Variants in GANC observed in about 807,000 individuals in gnomAD.
GANC encodes glucosidase alpha, neutral C.
In GANC, 117 loss-of-function variants were observed where a neutral mutation model predicts 124.2. The observed-to-expected ratio is 0.94, with a 90% CI of 0.81 to 1.10. GANC has a LOEUF of 1.10. Among genes scored for constraint, GANC ranks in the 50% least tolerant of loss-of-function variants. The probability of loss-of-function intolerance (pLI) is 0.00; values close to 1 mark genes in which losing one functional copy is unlikely to be tolerated. For missense variants in GANC, 1,140 were observed against 1,095.0 expected (o/e 1.04, Z -0.58); for synonymous variants, 377 against 376.8 (o/e 1.00, Z -0.01).
At chr15:42,288,348 A>G (rs931523752) in intron 4 of GANC, among the ~76,000 whole-genome samples, 2 of 152,214 alleles carry the variant, frequency 1.3e-5, no homozygotes, top group Admixed American at 6.5e-5. Flanking sequence ...GGTGAAAAAC[A>G]ATCTTTGGGG....
At chr15:42,316,608 GAA>G (rs2052105868) in intron 10 of GANC, among the ~76,000 whole-genome samples, 1 of 152,212 alleles carries the variant, frequency 6.6e-6, no homozygotes, top group Admixed American at 6.5e-5. Context: ...AGAGAAACAT[GAA>G]AGTGGACAAG....
intron 15 of GANC, among the ~76,000 whole-genome samples, chr15:42,335,038 A>G (rs1008888024): frequency 1.3e-5 from 2 of 152,200 alleles, no homozygotes; most frequent in Middle Eastern, 3.2e-3. Flanking sequence ...TACCAGATGT[A>G]CAAAGGAGAG....
chr15:42,314,990 G>A (rs758497945), intron 10 of GANC, among the ~76,000 whole-genome samples: 77 of 152,164 alleles, frequency 5.1e-4, no homozygotes, highest in Non-Finnish European at 4.1e-4. Flanking sequence ...CACTTTTGCA[G>A]CATAAGGACT....
intron 17 of GANC, 94 bp downstream of exon 17, chr15:42,340,006 G>C (rs1337565506): frequency 2.1e-6 from 3 of 1,442,176 alleles, no homozygotes; most frequent in Non-Finnish European, 2.8e-6. Flanking sequence ...GTGATTTCAA[G>C]AGAAAGGTGA....
At chr15:42,303,327 G>A (rs963170762) in intron 6 of GANC, among the ~76,000 whole-genome samples, 1 of 152,104 alleles carries the variant, frequency 6.6e-6, no homozygotes, top group Non-Finnish European at 1.5e-5. Flanking sequence ...TCACCACCAG[G>A]CCTGCCTTGC....
At chr15:42,310,974 C>G in intron 10 of GANC, 128 bp downstream of exon 10, 3 of 1,023,380 alleles carry the variant, frequency 2.9e-6, no homozygotes, top group Non-Finnish European at 4.3e-6. Context: ...TTTTAATTAG[C>G]AAGCATTTCT....
intron 6 of GANC, among the ~76,000 whole-genome samples, chr15:42,299,388 C>T (rs1413619228): frequency 1.3e-5 from 2 of 152,004 alleles, no homozygotes; most frequent in Non-Finnish European, 2.9e-5. Flanking sequence ...TATGTTGAAC[C>T]GGCCTTGCCC....
At chr15:42,298,148 C>T (rs2051909553) in intron 6 of GANC, among the ~76,000 whole-genome samples, 1 of 151,962 alleles carries the variant, frequency 6.6e-6, no homozygotes, top group African/African-American at 2.4e-5. Context: ...TGTATATACA[C>T]AAGTCAAAAA....
intron 11 of GANC, among the ~76,000 whole-genome samples, chr15:42,325,759 G>C (rs2052193890): frequency 6.6e-6 from 1 of 151,832 alleles, no homozygotes; most frequent in African/African-American, 2.4e-5. Flanking sequence ...TTTTGTTTTT[G>C]TTTTTTTCTT....
At chr15:42,310,594 C>G (rs2052041147) in intron 9 of GANC, 99 bp from the exon 10 acceptor site, 1 of 1,485,782 alleles carries the variant, frequency 6.7e-7, no homozygotes, top group African/African-American at 1.4e-5. Context: ...CAGTGAATAT[C>G]AGTAGTATCT....
In GANC at chr15:42,292,862, A is replaced by C; in HGVS notation, c.457A>C (p.Ile153Leu). The C allele has an allele frequency of 6.2e-7, 1 of 1,614,176 alleles. No homozygotes were observed. Among genetic ancestry groups the C allele is most frequent in the Non-Finnish European group, 8.5e-7 (1 of 1,179,996 alleles). ...LVSEEEVVIS[I>L]NSLGQLYFEH... The stretch of plus-strand genomic sequence containing the variant: ...GTCTGAAGAAGAGGTTGTGATTAGC[A>C]TAAATTCCCTGGGCCAATTATACTT... The change falls in exon 5 of 24, where the codon ATA (isoleucine) becomes CTA (leucine). Residue 153 changes from isoleucine to leucine, a missense_variant. By Grantham distance (5) the Ile-to-Leu change is conservative (BLOSUM62 2). Transcript: ENST00000318010.
At chr15:42,308,494 T>C (rs1285245604) in intron 8 of GANC, among the ~76,000 whole-genome samples, 176 bp downstream of exon 8, 1 of 151,992 alleles carries the variant, frequency 6.6e-6, no homozygotes, top group East Asian at 1.9e-4. Context: ...GTGGTTTTCC[T>C]TTTTTTTGAG....
chr15:42,303,670 GAAAA>G (rs150074091), intron 6 of GANC, among the ~76,000 whole-genome samples: 1 of 128,576 alleles, frequency 7.8e-6, no homozygotes, highest in African/African-American at 2.9e-5. Flanking sequence ...TATTTACCAA[GAAAA>G]AAAAAAAAAA....
intron 4 of GANC, among the ~76,000 whole-genome samples, chr15:42,289,162 C>T (rs1196135538): frequency 1.3e-5 from 2 of 152,128 alleles, no homozygotes; most frequent in Non-Finnish European, 2.9e-5. Context: ...CCCAGACTCC[C>T]TTGTAGCTAC....
chr15:42,285,493 C>G (rs1346815252), intron 3 of GANC, among the ~76,000 whole-genome samples: 3 of 152,170 alleles, frequency 2.0e-5, no homozygotes, highest in African/African-American at 7.2e-5. Flanking sequence ...ACCAAGAAAG[C>G]TATGTTGGTG....
At chr15:42,314,452 G>T in intron 10 of GANC, 2 of 322,922 alleles carry the variant, frequency 6.2e-6, no homozygotes, top group Admixed American at 4.8e-5. Flanking sequence ...TTGTGACACA[G>T]CTAACTCAGG....
intron 4 of GANC, among the ~76,000 whole-genome samples, chr15:42,291,186 A>G (rs2051837550): frequency 6.6e-6 from 1 of 152,202 alleles, no homozygotes. Flanking sequence ...ATGAATGGAA[A>G]TGGTTTCTGA....
At chr15:42,292,558 C>T (rs1595765950) in intron 4 of GANC, among the ~76,000 whole-genome samples, 177 bp from the exon 5 acceptor site, 1 of 152,276 alleles carries the variant, frequency 6.6e-6, no homozygotes, top group South Asian at 2.1e-4. Flanking sequence ...TAGAGTTATG[C>T]TCAATTTAAG....
chr15:42,329,590 G>A, intron 14 of GANC, 141 bp downstream of exon 14: 1 of 710,776 alleles, frequency 1.4e-6, no homozygotes, highest in Non-Finnish European at 2.1e-6. Flanking sequence ...TGAGTCTTAG[G>A]TAGTAGCCAA....
Sources: allele counts gnomAD v4.1 joint callset (sites outside exome capture counted in the v4.1 genomes callset), GRCh38; gene constraint gnomAD v4.1.1; transcripts MANE v1.5; gene names NCBI Gene and HGNC (gene_info 2026-07-23, HGNC 2026-07-21).